Variants in IL17REL observed in about 807,000 individuals in gnomAD.
The protein encoded by IL17REL is interleukin-17 receptor E-like protein.
In IL17REL, 36 loss-of-function variants were observed where a neutral mutation model predicts 49.0. The observed-to-expected ratio is 0.73, with a 90% CI of 0.56 to 0.97. IL17REL has a LOEUF of 0.97. Among genes scored for constraint, IL17REL ranks in the 50% least tolerant of loss-of-function variants. The pLI is 0.00. For missense variants in IL17REL, 470 were observed against 453.9 expected, an observed-to-expected ratio of 1.04 and a Z score of -0.32; for synonymous variants, 206 against 192.4, an observed-to-expected ratio of 1.07 and a Z score of -0.58.
rs746656552 is a variant in IL17REL, at chr22:49,998,292, C to T, written c.619G>A (p.Val207Met). 1 of 1,606,332 alleles carries T rather than the reference C, an allele frequency of 6.2e-7. No homozygotes were observed. Among genetic ancestry groups the T allele is most frequent in the Middle Eastern group, 1.7e-4 (1 of 6,026 alleles). ...TGGTAGTAGACCGTGTCCCACAGCACCTCCAGTGCCTCAGTGTCTGCAGGA... is the reference window on the plus strand; with the variant it reads ...TGGTAGTAGACCGTGTCCCACAGCATCTCCAGTGCCTCAGTGTCTGCAGGA... Residue 207 changes from valine (V) to methionine (M), a missense_variant, in exon 8 of 13, where the codon GTG becomes ATG. Transcript: ENST00000341280.
At chr22:49,996,852 C>T (rs2061037898) in exon 13 of IL17REL, 1 of 575,898 alleles carries the variant, frequency 1.7e-6, no homozygotes, top group South Asian at 2.3e-5. Flanking sequence ...GTACATCGGT[C>T]CTCCAGCCCT....
chr22:49,998,403 C>T, intron 7 of IL17REL, 94 bp from the exon 10 acceptor site: 1 of 1,191,586 alleles, frequency 8.4e-7, no homozygotes, highest in African/African-American at 2.8e-5. Context: ...ACCACTGGGC[C>T]AGGGTCCAGC....
In IL17REL at chr22:49,997,300, G is replaced by A. The variant is rs774985265; in HGVS notation, c.974+20C>T. Reference sequence around the variant, plus strand: ...ACCACCCCCACCTCCCCAGGATGGAGCCCCACTCTCTCGGCTCACTGAGGC... The same window carrying A: ...ACCACCCCCACCTCCCCAGGATGGAACCCCACTCTCTCGGCTCACTGAGGC... On this transcript the variant is annotated intron_variant, in intron 11 of 12. Coordinates refer to ENST00000341280, the Ensembl canonical transcript of IL17REL. 2 of 1,608,230 alleles carry A rather than the reference G, an allele frequency of 1.2e-6. No homozygotes were observed. Among genetic ancestry groups the A allele is most frequent in the Non-Finnish European group, 1.7e-6 (2 of 1,175,990 alleles).
chr22:49,996,815 T>C (rs1220901701), exon 13 of IL17REL: 6 of 529,440 alleles, frequency 1.1e-5, no homozygotes. Context: ...GAGCGGAGGT[T>C]GCAGAGCTGC....
exon 13 of IL17REL, chr22:49,996,536 G>C (rs547333136): frequency 1.2e-4 from 18 of 154,704 alleles, no homozygotes; most frequent in Non-Finnish European, 2.3e-4. Context: ...TGGACCCCCA[G>C]GGAGGAGGAG....
intron 1 of IL17REL, among the ~76,000 whole-genome samples, chr22:50,005,951 A>G (rs956383081): frequency 1.3e-5 from 2 of 152,078 alleles, no homozygotes; most frequent in Admixed American, 6.6e-5. Context: ...AAAAAAACAT[A>G]TGTTTTTTTA....
intron 7 of IL17REL, among the ~76,000 whole-genome samples, chr22:49,998,773 C>G (rs4838836): frequency 0.34 from 50,596 of 147,690 alleles, 8,638 homozygotes; most frequent in Middle Eastern, 0.5. Context: ...GGGTGCGTGT[C>G]CATGGGTGTG....
At chr22:50,001,363 G>A (rs2061079352) in intron 1 of IL17REL, 132 bp from the exon 3 acceptor site, 2 of 586,262 alleles carry the variant, frequency 3.4e-6, no homozygotes, top group East Asian at 2.9e-5. Flanking sequence ...TCTTGCCCCA[G>A]GCCAACTGGA....
chr22:49,992,897 G>A (rs564203268), downstream of IL17REL, among the ~76,000 whole-genome samples: 45 of 152,242 alleles, frequency 3.0e-4, no homozygotes, highest in African/African-American at 9.6e-4. Context: ...GATTACAGGC[G>A]GGAGCCACCG....
intron 2 of IL17REL, 106 bp downstream of exon 3, chr22:50,000,976 C>T (rs2061075984): frequency 1.6e-6 from 2 of 1,247,748 alleles, no homozygotes; most frequent in Admixed American, 2.3e-5. Context: ...CGGTTAGCAG[C>T]CCCCCTCCCT....
In IL17REL at chr22:49,996,989, C is replaced by A. The variant is rs1348162145; in HGVS notation, c.*44+5G>T. On this transcript the variant is annotated splice_donor_5th_base_variant and intron_variant, in intron 12 of 12. Transcript: ENST00000341280. ...CTAGGGGCTGGGCACAGCAGCGACA[C>A]CCACCTGGATGCAGATGCCTGGGGC... The A allele has an allele frequency of 3.4e-6, 5 of 1,473,650 alleles. No individual in the cohort carries two copies. The highest frequency in any genetic ancestry group is 4.6e-6 in the Non-Finnish European group (5 of 1,092,492). 91.3% of individuals were successfully genotyped at this position (1,473,650 alleles called of 1,614,324 possible). A position where few individuals can be genotyped will look rare whatever the true frequency, so the allele number is the denominator to read the frequency against.
At chr22:50,011,522 C>A (rs1176295806), upstream of IL17REL, among the ~76,000 whole-genome samples, 2 of 151,932 alleles carry the variant, frequency 1.3e-5, no homozygotes, top group African/African-American at 2.4e-5. Flanking sequence ...AGGCAAAAGT[C>A]GATTCTGAGG....
chr22:49,997,978 T>G, intron 9 of IL17REL, 47 bp downstream of exon 11: 2 of 1,240,760 alleles, frequency 1.6e-6, no homozygotes, highest in Non-Finnish European at 2.2e-6. Flanking sequence ...TGATGCCCCC[T>G]GGCCCCTCCC....
downstream of IL17REL, among the ~76,000 whole-genome samples, chr22:49,992,911 C>T (rs1322293650): frequency 6.6e-6 from 1 of 152,200 alleles, no homozygotes; most frequent in Non-Finnish European, 1.5e-5. Flanking sequence ...GCCACCGTGC[C>T]CAGACCCACC....
intron 1 of IL17REL, among the ~76,000 whole-genome samples, chr22:50,004,851 C>A (rs1441741180): frequency 1.8e-4 from 25 of 141,736 alleles, no homozygotes; most frequent in South Asian, 2.2e-4. Flanking sequence ...GACTCCATCT[C>A]AAAAAAAAAA....
At chr22:50,002,628 G>A (rs559501361) in intron 1 of IL17REL, among the ~76,000 whole-genome samples, 3 of 151,770 alleles carry the variant, frequency 2.0e-5, no homozygotes, top group African/African-American at 4.8e-5. Flanking sequence ...ACGAGTAGTC[G>A]GGATTACAGG....
intron 4 of IL17REL, 44 bp downstream of exon 5, chr22:50,000,434 G>A (rs2061070894): frequency 6.8e-7 from 1 of 1,463,642 alleles, no homozygotes; most frequent in African/African-American, 1.4e-5. Context: ...CCAGGCCCTG[G>A]AGGCTGAACG....
upstream of IL17REL, among the ~76,000 whole-genome samples, chr22:50,010,781 A>G (rs1183080700): frequency 3.2e-4 from 42 of 131,774 alleles, no homozygotes; most frequent in African/African-American, 1.3e-3. Context: ...GGGGAGCGGG[A>G]CCCGGGCGCG....
chr22:49,998,040 G>C, exon 9 of IL17REL: 1 of 1,594,404 alleles, frequency 6.3e-7, no homozygotes, highest in Non-Finnish European at 8.5e-7. Context: ...GGCAGAGCTG[G>C]GGCTGGGTGT....
Sources: gnomAD v4.1 joint callset for allele counts (sites outside exome capture counted in the v4.1 genomes callset) on GRCh38, gnomAD v4.1.1 for gene constraint, MANE v1.5 for transcripts, NCBI Gene and HGNC (gene_info 2026-07-23, HGNC 2026-07-21) for gene names.